The following CARS2 variants were observed in gnomAD, a reference collection of about 807,000 sequenced individuals.
CARS2 encodes cysteinyl-tRNA synthetase 2, mitochondrial, also known as probable cysteine--tRNA ligase, mitochondrial.
Under a neutral mutation model 68.8 loss-of-function variants are expected in CARS2, and 52 were observed. The observed-to-expected ratio is 0.76, with a 90% confidence interval of 0.61 to 0.95. The LOEUF (loss-of-function observed/expected upper bound fraction) is 0.95. CARS2 is among the 40% of genes least tolerant of loss of function. The pLI, the probability that CARS2 is intolerant of heterozygous loss-of-function variation, is 0.00. For missense variants in CARS2, 780 were observed against 754.2 expected (o/e 1.03, Z -0.40); for synonymous variants, 314 against 303.6 (o/e 1.03, Z -0.36).
At chr13:110,690,840 A>G (rs2063438675) in intron 3 of CARS2, among the ~76,000 whole-genome samples, 1 of 152,170 alleles carries the variant, frequency 6.6e-6, no homozygotes, top group Non-Finnish European at 1.5e-5. Context: ...CAACTTTCAC[A>G]TGGTGTCAGT....
Position 110,644,369 on chromosome 13 carries a change from AAAT to A in CARS2, c.1416+13_1416+15del, listed in dbSNP as rs751451574. The A allele has an allele frequency of 2.7e-5, 44 of 1,609,044 alleles. No homozygotes were observed. Among genetic ancestry groups the A allele is most frequent in the Non-Finnish European group, 3.5e-5 (41 of 1,175,864 alleles). On this transcript the variant is annotated intron_variant, in intron 13 of 14. Transcript: ENST00000257347. Reference sequence around the variant, plus strand: ...AGAAAATTCCAGAATTAAGCATTTAAAATAATAGGACCTACCTGTTGATTTGCC... The same window carrying A: ...AGAAAATTCCAGAATTAAGCATTTAAAATAGGACCTACCTGTTGATTTGCC...
upstream of CARS2, among the ~76,000 whole-genome samples, chr13:110,708,421 T>C (rs1260620452): frequency 6.6e-6 from 1 of 152,262 alleles, no homozygotes; most frequent in East Asian, 1.9e-4. Context: ...TTAGTAACAC[T>C]GAAGATCAAA....
intron 3 of CARS2, among the ~76,000 whole-genome samples, chr13:110,694,087 G>A (rs2063552853): frequency 6.6e-6 from 1 of 151,958 alleles, no homozygotes; most frequent in Non-Finnish European, 1.5e-5. Flanking sequence ...GAGTGCAATG[G>A]TGCGATCTCA....
chr13:110,669,921 C>G (rs756688210), intron 7 of CARS2, among the ~76,000 whole-genome samples: 1 of 152,218 alleles, frequency 6.6e-6, no homozygotes, highest in Non-Finnish European at 1.5e-5. Context: ...TATCCTGCGC[C>G]TGGCTCGGAG....
In CARS2 at chr13:110,712,617, C is replaced by A. The variant is rs1370152824; in HGVS notation, n.399+520G>T. The A allele has an allele frequency of 6.3e-6, 3 of 477,900 alleles. No individual in the cohort carries two copies. The Admixed American group carries it at 9.2e-5, about 15-fold the overall frequency. 29.6% of individuals were successfully genotyped at this position (477,900 alleles called of 1,614,324 possible). On this transcript the variant is annotated intron_variant and non_coding_transcript_variant, in intron 1 of 2. Coordinates refer to the CARS2 transcript ENST00000485188. ...TCTCAGAAAGCCCAAAATCCGGGAG[C>A]TTTGGGAGGGTAGAGGGGCGACGCG...
At chr13:110,699,692 G>A (rs577945210) in intron 3 of CARS2, among the ~76,000 whole-genome samples, 1 of 152,364 alleles carries the variant, frequency 6.6e-6, no homozygotes, top group African/African-American at 2.4e-5. Flanking sequence ...GGAGAAAGCC[G>A]ACACAAGACA....
At chr13:110,696,049 G>C (rs1202625477) in intron 3 of CARS2, among the ~76,000 whole-genome samples, 2 of 152,114 alleles carry the variant, frequency 1.3e-5, no homozygotes, top group Non-Finnish European at 2.9e-5. Flanking sequence ...CTGTTCCTGT[G>C]TTAGTTTGCT....
chr13:110,656,138 A>G (rs2062360816), intron 9 of CARS2, among the ~76,000 whole-genome samples: 2 of 152,148 alleles, frequency 1.3e-5, no homozygotes, highest in South Asian at 2.1e-4. Flanking sequence ...CCCCATCTCC[A>G]CTAAAAATAC....
chr13:110,664,787 C>G, intron 8 of CARS2: 2 of 383,222 alleles, frequency 5.2e-6, no homozygotes, highest in Non-Finnish European at 7.2e-6. Context: ...AGGGGCAGAG[C>G]CAGTGTGAAT....
intron 7 of CARS2, 104 bp from the exon 8 acceptor site, chr13:110,667,577 A>G (rs2062684545): frequency 9.7e-7 from 1 of 1,031,866 alleles, no homozygotes; most frequent in African/African-American, 1.6e-5. Flanking sequence ...CAATGAATAA[A>G]TGGATCTCAG....
chr13:110,706,507 G>A (rs2063964004), upstream of CARS2: 1 of 155,520 alleles, frequency 6.4e-6, no homozygotes, highest in African/African-American at 2.4e-5. Context: ...TGGCCTGTTA[G>A]CGAAGCACGT....
In CARS2 at chr13:110,664,229, G is replaced by C. The variant is rs557691830; in HGVS notation, c.920-711C>G. On this transcript the variant is annotated intron_variant, in intron 8 of 14. Transcript: ENST00000257347. ...ACTTCAAACAGGAGTCCTCCAGGCC[G>C]GACGCAGTGGCTCACACCCGTAATA... 24 of 983,662 alleles carry C rather than the reference G, an allele frequency of 2.4e-5. No homozygotes were observed. In the South Asian group the frequency reaches 9.9e-4, roughly 41 times the overall value. 60.9% of individuals were successfully genotyped at this position (983,662 alleles called of 1,614,324 possible).
At chr13:110,673,919 AACAG>A (rs1331611571) in intron 7 of CARS2, among the ~76,000 whole-genome samples, 2 of 152,124 alleles carry the variant, frequency 1.3e-5, no homozygotes, top group African/African-American at 2.4e-5. Context: ...GTACACCAAT[AACAG>A]ACAGGGAGCC....
rs768761872 is a variant in CARS2 at position 110,644,478 on chromosome 13, A to T, written c.1323T>A (p.Pro441=). 3 of 1,614,050 alleles carry T rather than the reference A, an allele frequency of 1.9e-6. No individual in the cohort carries two copies. The South Asian group carries it at 3.3e-5, about 18-fold the overall frequency. The part of the protein sequence containing the change: ...NGQLRASLKE[P]EGPRSPAVFG... ...ACACAGCAGGACTTCTCGGCCCTTC[A>T]GGTTCCTGTAAGAGATCATGTCGCA... The change falls in exon 13 of 15, where the codon CCT becomes CCA. Residue 441 remains proline, a synonymous_variant. Transcript: ENST00000257347.
rs758561641 is a variant in CARS2, at chr13:110,666,359, C to T, written c.919+981G>A. On this transcript the variant is annotated intron_variant, in intron 8 of 14. Transcript: ENST00000257347. The stretch of plus-strand genomic sequence containing the variant: ...GGAAATGGTATGGGGTGCTGGACAA[C>T]AGCTCCTAAGTCCTCAAACAGCCAC... 2.2e-4 allele frequency: 212 copies of T among 985,276 alleles called. 1 individual carries two copies. The highest frequency in any genetic ancestry group is 2.1e-4 in the Non-Finnish European group (171 of 829,938). The allele number at this position is 985,276 out of a possible 1,614,324, so 61.0% of individuals were successfully genotyped here.
At chr13:110,679,475 A>C (rs1020352131) in intron 6 of CARS2, among the ~76,000 whole-genome samples, 4 of 151,526 alleles carry the variant, frequency 2.6e-5, no homozygotes, top group Non-Finnish European at 5.9e-5. Context: ...GGTTACAGTG[A>C]GCCGAGATCG....
intron 3 of CARS2, among the ~76,000 whole-genome samples, chr13:110,699,731 C>T (rs2063727594): frequency 6.6e-6 from 1 of 152,254 alleles, no homozygotes; most frequent in Non-Finnish European, 1.5e-5. Context: ...GACAGCGTTT[C>T]ATCAGAATGG....
At chr13:110,682,387 G>A (rs1231383566) in intron 6 of CARS2, among the ~76,000 whole-genome samples, 1 of 152,174 alleles carries the variant, frequency 6.6e-6, no homozygotes, top group Non-Finnish European at 1.5e-5. Context: ...ACCACGGCGG[G>A]GGAAGGAAAG....
intron 9 of CARS2, among the ~76,000 whole-genome samples, chr13:110,654,786 C>T (rs1408242280): frequency 6.6e-6 from 1 of 151,488 alleles, no homozygotes; most frequent in African/African-American, 2.4e-5. Flanking sequence ...TGTGGTAGTG[C>T]ATGCCTGTGG....
Sources: allele counts gnomAD v4.1 joint callset (sites outside exome capture counted in the v4.1 genomes callset), GRCh38; gene constraint gnomAD v4.1.1; transcripts MANE v1.5; gene names NCBI Gene and HGNC (gene_info 2026-07-23, HGNC 2026-07-21).